RUNX1T1: variants seen among roughly 807,000 people sequenced by gnomAD.
RUNX1T1 encodes RUNX1 partner transcriptional co-repressor 1.
A neutral mutation model predicts 62.8 loss-of-function variants in RUNX1T1; 4 were observed. The ratio of observed to expected loss-of-function variants is 0.06; its 90% CI spans 0.03 to 0.15. RUNX1T1 has a LOEUF of 0.15. RUNX1T1 is among the 10% of genes least tolerant of loss of function. The probability of loss-of-function intolerance (pLI) is 1.00; values close to 1 mark genes in which losing one functional copy is unlikely to be tolerated. For missense variants in RUNX1T1, 508 were observed against 754.3 expected (o/e 0.67, Z 3.82); for synonymous variants, 291 against 286.0 (o/e 1.02, Z -0.18).
chr8:91,967,964 T>C (rs1811991928), intron 10 of RUNX1T1, among the ~76,000 whole-genome samples: 1 of 152,144 alleles, frequency 6.6e-6, no homozygotes. Context: ...CAGATAATAA[T>C]ATATTGTGTT....
chr8:92,097,469 C>T (rs563349326), intron 1 of RUNX1T1, among the ~76,000 whole-genome samples: 2 of 152,266 alleles, frequency 1.3e-5, no homozygotes, highest in East Asian at 3.9e-4. Context: ...CATACCCCCA[C>T]CCTTTATTGC....
At chr8:91,985,536 G>A (rs1320029275) in intron 8 of RUNX1T1, among the ~76,000 whole-genome samples, 1 of 151,906 alleles carries the variant, frequency 6.6e-6, no homozygotes, top group Non-Finnish European at 1.5e-5. Flanking sequence ...TCACAGGAAG[G>A]GTGCTACATC....
At chr8:92,000,456 T>TA (rs1450121770) in intron 5 of RUNX1T1, among the ~76,000 whole-genome samples, 2 of 152,198 alleles carry the variant, frequency 1.3e-5, no homozygotes, top group African/African-American at 4.8e-5. Context: ...AAATGTGTCA[T>TA]AAAATCCCTA....
At chr8:91,983,194 A>G (rs1257640168) in intron 8 of RUNX1T1, among the ~76,000 whole-genome samples, 1 of 151,910 alleles carries the variant, frequency 6.6e-6, no homozygotes, top group Non-Finnish European at 1.5e-5. Flanking sequence ...CGGCCTCCCA[A>G]AGTGCTTGGA....
At chr8:92,018,583 C>T (rs1823473715) in intron 1 of RUNX1T1, among the ~76,000 whole-genome samples, 2 of 152,066 alleles carry the variant, frequency 1.3e-5, no homozygotes, top group South Asian at 4.1e-4. Flanking sequence ...AAAGAACAAG[C>T]CTTTAAAAAT....
chr8:92,048,987 A>G (rs1174099416), intron 1 of RUNX1T1, among the ~76,000 whole-genome samples: 17 of 152,220 alleles, frequency 1.1e-4, no homozygotes, highest in Admixed American at 1.1e-3. Context: ...ACTCTGTATC[A>G]TGCAGGTCTC....
intron 1 of RUNX1T1, among the ~76,000 whole-genome samples, chr8:92,051,203 T>C (rs564289791): frequency 3.3e-5 from 5 of 152,158 alleles, no homozygotes; most frequent in Non-Finnish European, 7.3e-5. Flanking sequence ...TATTGATTCC[T>C]CAGCATCTAT....
intron 10 of RUNX1T1, among the ~76,000 whole-genome samples, chr8:91,969,590 A>T (rs995157211): frequency 3.3e-5 from 5 of 152,236 alleles, no homozygotes; most frequent in Non-Finnish European, 7.3e-5. Flanking sequence ...GTTAAAGGGC[A>T]GATAAACTTC....
rs1459228756 is a variant in RUNX1T1, at chr8:91,991,901, A to G, written c.660-12T>C. ...CATTTTCTTTGGTTCTAAAGGGGGA[A>G]AAAACAAGAGTTTGTTTCATCATCT... On this transcript the variant is annotated splice_polypyrimidine_tract_variant and intron_variant, in intron 5 of 10. Coordinates refer to ENST00000396218, the Ensembl canonical transcript of RUNX1T1. The G allele has an allele frequency of 6.2e-7, 1 of 1,613,608 alleles. No individual in the cohort carries two copies. Among genetic ancestry groups the G allele is most frequent in the African/African-American group, 1.3e-5 (1 of 75,008 alleles).
At chr8:91,970,136 A>G (rs1270350724) in intron 10 of RUNX1T1, among the ~76,000 whole-genome samples, 1 of 151,972 alleles carries the variant, frequency 6.6e-6, no homozygotes, top group Non-Finnish European at 1.5e-5. Context: ...TGACCATCAT[A>G]TGGGTTACCA....
chr8:91,993,795 T>C (rs777145686), intron 5 of RUNX1T1, among the ~76,000 whole-genome samples: 14 of 152,012 alleles, frequency 9.2e-5, no homozygotes, highest in Non-Finnish European at 1.9e-4. Context: ...AATTCGAGAC[T>C]AGCCTGGCCA....
chr8:91,991,707 G>A (rs2130881724), exon 6 of RUNX1T1: 1 of 1,614,068 alleles, frequency 6.2e-7, no homozygotes, highest in Non-Finnish European at 8.5e-7. Context: ...GTAGTGGTGG[G>A]CAATGGCCAT....
chr8:92,084,104 G>A (rs573334030), intron 1 of RUNX1T1, among the ~76,000 whole-genome samples: 1 of 152,126 alleles, frequency 6.6e-6, no homozygotes, highest in Non-Finnish European at 1.5e-5. Flanking sequence ...TGTCGGGGTG[G>A]GGGGCTAAGG....
chr8:91,987,095 A>AGACATGAGTCTCCATCTAAATAT, intron 6 of RUNX1T1, 123 bp from the exon 8 acceptor site: 1 of 707,100 alleles, frequency 1.4e-6, no homozygotes, highest in East Asian at 2.5e-5. Context: ...TTTTGGATGG[A>AGACATGAGTCTCCATCTAAATAT]GACATGAGTC....
intron 1 of RUNX1T1, among the ~76,000 whole-genome samples, chr8:92,094,202 A>G (rs1465770903): frequency 6.6e-6 from 1 of 152,224 alleles, no homozygotes; most frequent in Admixed American, 6.5e-5. Flanking sequence ...GCTGCTGTCA[A>G]CAAGGAAACA....
rs370032642 is a variant in RUNX1T1 at position 92,038,770 on chromosome 8, A to T, written c.8-21407T>A. 2.0e-5 allele frequency among the ~76,000 whole-genome samples: 3 copies of T among 152,272 alleles called. No individual in the cohort carries two copies. The South Asian group carries it at 6.2e-4, about 32-fold the overall frequency. ...AAGGTCATGGGTCCTACATCTCTGC[A>T]AACTCTGCCCTCGAAACTCCTCTGT... On this transcript the variant is annotated intron_variant, in intron 1 of 10. Coordinates refer to ENST00000396218, the Ensembl canonical transcript of RUNX1T1.
intron 1 of RUNX1T1, among the ~76,000 whole-genome samples, chr8:92,084,676 C>A (rs1835821663): frequency 6.6e-6 from 1 of 152,118 alleles, no homozygotes; most frequent in Non-Finnish European, 1.5e-5. Context: ...TAAATTCTAT[C>A]TTTGGGGAGG....
In RUNX1T1 at chr8:92,076,161, A is replaced by G; in HGVS notation, c.-85-24T>C. 3 of 1,487,128 alleles carry G rather than the reference A, an allele frequency of 2.0e-6. No homozygotes were observed. In the South Asian group the frequency reaches 4.2e-5, roughly 21 times the overall value. The allele number at this position is 1,487,128 out of a possible 1,614,324, so 92.1% of individuals were successfully genotyped here. A position where few individuals can be genotyped will look rare whatever the true frequency, so the allele number is the denominator to read the frequency against. The stretch of plus-strand genomic sequence containing the variant: ...TTCTATTGACAACAACAAAGGGAAA[A>G]AAAATGCATATATCACAACCAGTCT... On this transcript the variant is annotated intron_variant, in intron 1 of 11. Coordinates refer to the RUNX1T1 transcript ENST00000265814.
intron 1 of RUNX1T1, among the ~76,000 whole-genome samples, chr8:92,045,862 G>A (rs191494908): frequency 4.6e-5 from 7 of 152,252 alleles, no homozygotes; most frequent in Non-Finnish European, 1.0e-4. Flanking sequence ...TTATTGTGCA[G>A]CCACTAAAAC....
Sources: gnomAD v4.1 joint callset for allele counts (sites outside exome capture counted in the v4.1 genomes callset) on GRCh38, gnomAD v4.1.1 for gene constraint, MANE v1.5 for transcripts, NCBI Gene and HGNC (gene_info 2026-07-23, HGNC 2026-07-21) for gene names.